Variants in UTY observed in about 807,000 individuals in gnomAD.
The protein encoded by UTY is histone demethylase UTY.
UTY carries 12 observed loss-of-function variants against 32.5 expected under a neutral mutation model. The ratio of observed to expected loss-of-function variants is 0.37; its 90% CI spans 0.24 to 0.60. The LOEUF is 0.60. UTY is among the 20% of genes least tolerant of loss of function. The pLI is 0.69. For synonymous variants in UTY, 131 were observed against 103.4 expected, an observed-to-expected ratio of 1.27 and a Z score of -1.62; for missense variants, 303 against 299.2, an observed-to-expected ratio of 1.01 and a Z score of -0.09.
intron 27 of UTY, among the ~76,000 whole-genome samples, chrY:13,262,005 C>T (rs2055311801): frequency 6.0e-5 from 2 of 33,383 alleles, no homozygotes; most frequent in African/African-American, 1.2e-4. Context: ...TTCCTGCCAT[C>T]CCTCTTCTAC....
intron 21 of UTY, among the ~76,000 whole-genome samples, chrY:13,307,177 AC>A (rs2058744534): frequency 3.0e-5 from 1 of 33,283 alleles, no homozygotes; most frequent in East Asian, 7.7e-4. Context: ...CATTAACAAA[AC>A]TAAGGGCATA....
At chrY:13,368,231 A>ATT (rs35344285) in intron 9 of UTY, among the ~76,000 whole-genome samples, 1 of 15,863 alleles carries the variant, frequency 6.3e-5, no homozygotes, top group African/African-American at 2.5e-4. Flanking sequence ...ATGCCTGGCT[A>ATT]TTTTTTTTTT....
intron 27 of UTY, among the ~76,000 whole-genome samples, chrY:13,283,906 C>T (rs746014800): frequency 6.0e-5 from 2 of 33,177 alleles, no homozygotes; most frequent in African/African-American, 2.3e-4. Context: ...AACAGTATAA[C>T]GTATCATGGT....
intron 3 of UTY, among the ~76,000 whole-genome samples, chrY:13,466,073 T>G: frequency 5.9e-5 from 2 of 33,672 alleles, no homozygotes; most frequent in African/African-American, 1.2e-4. Flanking sequence ...ATATTCTACT[T>G]TATACTGAAA....
downstream of UTY, among the ~76,000 whole-genome samples, chrY:13,233,934 G>A (rs1603217094): frequency 2.9e-5 from 1 of 34,341 alleles, no homozygotes; most frequent in African/African-American, 1.1e-4. Flanking sequence ...TATTCTAGCT[G>A]AACATGAAAG....
intron 21 of UTY, among the ~76,000 whole-genome samples, chrY:13,307,797 T>C (rs2058782251): frequency 3.0e-5 from 1 of 32,975 alleles, no homozygotes; most frequent in African/African-American, 1.2e-4. Context: ...AAAGAAAATA[T>C]ACCCATTAAC....
intron 2 of UTY, among the ~76,000 whole-genome samples, chrY:13,476,759 A>G (rs964137066): frequency 1.2e-4 from 4 of 32,720 alleles, no homozygotes; most frequent in Admixed American, 2.8e-4. Context: ...CTTATAAAAC[A>G]TAAGTTACAG....
chrY:13,253,053 G>T, intron 28 of UTY, among the ~76,000 whole-genome samples: 1 of 32,905 alleles, frequency 3.0e-5, no homozygotes, highest in South Asian at 7.1e-4. Flanking sequence ...GCCCATTCGT[G>T]GGGGCTCGAA....
intron 8 of UTY, among the ~76,000 whole-genome samples, chrY:13,387,264 CAT>C (rs2066966144): frequency 3.1e-5 from 1 of 32,619 alleles, no homozygotes; most frequent in Admixed American, 2.8e-4. Flanking sequence ...TATACAAATA[CAT>C]GTGTGAATTT....
intron 4 of UTY, among the ~76,000 whole-genome samples, chrY:13,436,069 A>C (rs2074527966): frequency 3.0e-5 from 1 of 32,972 alleles, no homozygotes; most frequent in Admixed American, 2.7e-4. Flanking sequence ...TTCAGCCCTG[A>C]AGCCGGCAGC....
At chrY:13,269,578 AAAAC>A (rs2056122317) in intron 27 of UTY, among the ~76,000 whole-genome samples, 1 of 30,237 alleles carries the variant, frequency 3.3e-5, no homozygotes, top group Non-Finnish European at 7.8e-5. Flanking sequence ...AAAACAAAAC[AAAAC>A]AAAACAAAAC....
At chrY:13,350,382 C>A (rs2062275090) in intron 17 of UTY, among the ~76,000 whole-genome samples, 1 of 33,059 alleles carries the variant, frequency 3.0e-5, no homozygotes, top group African/African-American at 1.2e-4. Context: ...ATAGGAGAAA[C>A]CATGAGAGAT....
At chrY:13,441,958 T>A (rs2075227906) in intron 4 of UTY, among the ~76,000 whole-genome samples, 2 of 33,801 alleles carry the variant, frequency 5.9e-5, no homozygotes, top group African/African-American at 2.3e-4. Flanking sequence ...AAGATACAGA[T>A]TGCAGAGAGA....
downstream of UTY, chrY:13,234,567 G>A (rs766611566): frequency 7.4e-5 from 10 of 134,685 alleles, no homozygotes; most frequent in South Asian, 1.6e-4. Flanking sequence ...AATGAGGAAC[G>A]TGGACAAATG....
In UTY at chrY:13,430,618, T is replaced by C; in HGVS notation, c.376-15825A>G. The stretch of plus-strand genomic sequence containing the variant: ...TGGATCCTCTCTATTCTTTCCTTCA[T>C]TAGTCTAGCTAGTGGTTTTTATCAA... On this transcript the variant is annotated intron_variant, in intron 4 of 29. Transcript: ENST00000545955. 1.2e-4 allele frequency among the ~76,000 whole-genome samples: 4 copies of C among 32,868 alleles called. No homozygotes were observed. The East Asian group carries it at 3.1e-3, about 25-fold the overall frequency. 88.2% of individuals were successfully genotyped at this position (32,868 alleles called of 37,273 possible). A position where few individuals can be genotyped will look rare whatever the true frequency, so the allele number is the denominator to read the frequency against.
chrY:13,264,840 T>C (rs2148476003), intron 27 of UTY, among the ~76,000 whole-genome samples: 2 of 33,792 alleles, frequency 5.9e-5, no homozygotes, highest in South Asian at 6.4e-4. Flanking sequence ...CTGAATGGTA[T>C]TGCCTAGGTT....
chrY:13,417,676 TA>T (rs2149715415), intron 4 of UTY, among the ~76,000 whole-genome samples: 1 of 33,668 alleles, frequency 3.0e-5, no homozygotes, highest in Non-Finnish European at 7.3e-5. Flanking sequence ...AAAAGGTATG[TA>T]ACAGCTGAAG....
At chrY:13,271,222 G>T in intron 27 of UTY, among the ~76,000 whole-genome samples, 1 of 33,468 alleles carries the variant, frequency 3.0e-5, no homozygotes, top group Non-Finnish European at 7.4e-5. Context: ...AGAAATGAAG[G>T]CTTCTAAAAA....
At chrY:13,374,222 G>A (rs2065191814) in intron 8 of UTY, among the ~76,000 whole-genome samples, 1 of 32,920 alleles carries the variant, frequency 3.0e-5, no homozygotes, top group Non-Finnish European at 7.5e-5. Context: ...TAGTAGAGAT[G>A]GGGTTTCACC....
Sources: gnomAD v4.1 joint callset for allele counts (sites outside exome capture counted in the v4.1 genomes callset) on GRCh38, gnomAD v4.1.1 for gene constraint, MANE v1.5 for transcripts, NCBI Gene and HGNC (gene_info 2026-07-23, HGNC 2026-07-21) for gene names.